The following TENM2 variants were observed in gnomAD, a reference collection of about 807,000 sequenced individuals.
The protein encoded by TENM2 is teneurin-2.
A neutral mutation model predicts 245.2 loss-of-function variants in TENM2; 52 were observed. That is an observed-to-expected ratio of 0.21 (90% CI 0.17 to 0.27). TENM2 has a LOEUF of 0.27. Ranked by LOEUF, TENM2 falls within the 10% of genes least tolerant of loss-of-function variation. The pLI is 1.00. For synonymous variants in TENM2, 1,363 were observed against 1,438.9 expected (o/e 0.95, Z 1.19); for missense variants, 3,046 against 3,666.8 (o/e 0.83, Z 4.37).
In TENM2 at chr5:168,091,328, G is replaced by T. The variant is rs562441703; in HGVS notation, c.1711+559G>T. ...TATTCTTGAGTAGGTAAATCTCAAA[G>T]TGTTTTAATTAAGTACTTATCATTT... On this transcript the variant is annotated intron_variant, in intron 8 of 28. Transcript: ENST00000518659. Among the ~76,000 whole-genome samples, 40 of 152,246 alleles carry T rather than the reference G, an allele frequency of 2.6e-4. No individual in the cohort carries two copies. The South Asian group carries it at 3.7e-3, about 14-fold the overall frequency.
chr5:168,199,206 T>C, intron 16 of TENM2, 92 bp downstream of exon 18: 1 of 1,343,200 alleles, frequency 7.4e-7, no homozygotes, highest in Non-Finnish European at 1.0e-6. Context: ...CAGAAACTAA[T>C]ATTGTAGGGG....
the TENM2 span, among the ~76,000 whole-genome samples, chr5:167,219,276 A>C: frequency 6.6e-6 from 1 of 151,808 alleles, no homozygotes; most frequent in East Asian, 1.9e-4. Context: ...CTCCAGCTTG[A>C]ATGATAGGGT....
At position 167,664,847 on chromosome 5, in the gene TENM2, G is replaced by A. The variant is rs532990184; in HGVS notation, c.503-211139G>A. 1.6e-3 allele frequency among the ~76,000 whole-genome samples: 242 copies of A among 152,292 alleles called. 1 individual carries two copies. Among genetic ancestry groups the A allele is most frequent in the Non-Finnish European group, 2.6e-3 (177 of 68,030 alleles). On this transcript the variant is annotated intron_variant, in intron 2 of 28. Coordinates refer to ENST00000518659, the Ensembl canonical transcript of TENM2. ...AAAGGGGGCATCCCTAACTGGGAAAGATCTATCATCCAAGAATTTCTCTAA... is the reference window on the plus strand; with the variant it reads ...AAAGGGGGCATCCCTAACTGGGAAAAATCTATCATCCAAGAATTTCTCTAA...
intron 2 of TENM2, among the ~76,000 whole-genome samples, chr5:167,472,896 G>A (rs1253005640): frequency 6.6e-6 from 1 of 152,092 alleles, no homozygotes; most frequent in African/African-American, 2.4e-5. Flanking sequence ...GAATACATAA[G>A]CCCCTTTCCC....
chr5:167,502,012 C>CA (rs34421510), intron 2 of TENM2, among the ~76,000 whole-genome samples: 10,417 of 142,580 alleles, frequency 0.073, 375 homozygotes, highest in Non-Finnish European at 0.084. Context: ...TGAAAAATAA[C>CA]AAAAAAAAAA....
At chr5:168,189,905 G>A (rs548084700) in intron 13 of TENM2, among the ~76,000 whole-genome samples, 1 of 152,120 alleles carries the variant, frequency 6.6e-6, no homozygotes, top group Non-Finnish European at 1.5e-5. Flanking sequence ...ACCATGCCCA[G>A]CCAGAAATTC....
At chr5:167,951,646 C>T (rs1353315408) in intron 3 of TENM2, among the ~76,000 whole-genome samples, 2 of 152,034 alleles carry the variant, frequency 1.3e-5, no homozygotes, top group African/African-American at 2.4e-5. Flanking sequence ...AATTTGGAGT[C>T]GGGGTCATGG....
At chr5:168,184,333 C>CGT (rs1176284083) in intron 13 of TENM2, among the ~76,000 whole-genome samples, 3 of 152,142 alleles carry the variant, frequency 2.0e-5, no homozygotes, top group African/African-American at 7.2e-5. Context: ...CCAGCAGCTG[C>CGT]GTGCAGACAC....
chr5:168,018,381 T>C (rs1281496570), intron 5 of TENM2, among the ~76,000 whole-genome samples: 1 of 151,918 alleles, frequency 6.6e-6, no homozygotes, highest in African/African-American at 2.4e-5. Context: ...GTGAGCTCTT[T>C]TTTTTTTTTC....
intron 1 of TENM2, among the ~76,000 whole-genome samples, chr5:167,287,161 GGT>G (rs1007777948): frequency 6.6e-6 from 1 of 152,138 alleles, no homozygotes; most frequent in African/African-American, 2.4e-5. Context: ...TACTTTGATG[GGT>G]TCTAAAATTG....
intron 2 of TENM2, among the ~76,000 whole-genome samples, chr5:167,428,406 A>T (rs1333469399): frequency 6.6e-6 from 1 of 152,164 alleles, no homozygotes; most frequent in Non-Finnish European, 1.5e-5. Flanking sequence ...GTGTTTTTTT[A>T]AAAATAACAT....
chr5:168,190,045 A>T (rs539794692), intron 13 of TENM2, among the ~76,000 whole-genome samples: 4 of 152,246 alleles, frequency 2.6e-5, no homozygotes, highest in Non-Finnish European at 5.9e-5. Context: ...ATACGTGTTC[A>T]TAGTAGAAAA....
At chr5:167,876,095 C>T in exon 3 of TENM2, 1 of 1,551,478 alleles carries the variant, frequency 6.4e-7, no homozygotes, top group Non-Finnish European at 8.7e-7. Flanking sequence ...TAGACAGCAA[C>T]ACCTCCCATC....
chr5:168,208,502 G>A lies in TENM2; in HGVS notation c.3825-3232G>A, dbSNP rs189091038. On this transcript the variant is annotated intron_variant, in intron 19 of 28. Transcript: ENST00000518659. ...AGGCGGGCAAAGCCAGCAGACATTG[G>A]AAGGAAGCGTCAGCAAGGACAAGCT... Among the ~76,000 whole-genome samples, 406 of 152,346 alleles carry A rather than the reference G, an allele frequency of 2.7e-3. 10 individuals carry two copies. The South Asian group carries it at 0.059, about 22-fold the overall frequency.
At chr5:167,233,322 A>G in the TENM2 span, among the ~76,000 whole-genome samples, 31,607 of 152,050 alleles carry the variant, frequency 0.21, 3,831 homozygotes, top group African/African-American at 0.34. Context: ...GTGTAGCTAG[A>G]GGTTTTAGGA....
At chr5:167,994,713 A>G (rs931916240) in intron 5 of TENM2, among the ~76,000 whole-genome samples, 1 of 152,194 alleles carries the variant, frequency 6.6e-6, no homozygotes, top group African/African-American at 2.4e-5. Context: ...GGCTTTGCAG[A>G]AGTGTAGCTT....
the TENM2 span, among the ~76,000 whole-genome samples, chr5:167,136,947 T>A: frequency 6.6e-6 from 1 of 152,206 alleles, no homozygotes; most frequent in Non-Finnish European, 1.5e-5. Context: ...CATAAATTTA[T>A]TTCTCACAGT....
At chr5:167,986,269 G>A (rs1275574465) in intron 4 of TENM2, among the ~76,000 whole-genome samples, 1 of 152,194 alleles carries the variant, frequency 6.6e-6, no homozygotes, top group African/African-American at 2.4e-5. Flanking sequence ...TTCACATGAG[G>A]AAAAGTGATG....
chr5:167,457,082 T>C (rs1428466830), intron 2 of TENM2, among the ~76,000 whole-genome samples: 2 of 152,116 alleles, frequency 1.3e-5, no homozygotes, highest in East Asian at 3.9e-4. Flanking sequence ...GCTTCTTTCC[T>C]CCTTAGCCTC....
Sources: allele counts gnomAD v4.1 joint callset (sites outside exome capture counted in the v4.1 genomes callset), GRCh38; gene constraint gnomAD v4.1.1; transcripts MANE v1.5; gene names NCBI Gene and HGNC (gene_info 2026-07-23, HGNC 2026-07-21).